SKAP2: variants seen among roughly 807,000 people sequenced by gnomAD.
The protein encoded by SKAP2 is src kinase associated phosphoprotein 2, also known as src kinase-associated phosphoprotein 2.
In SKAP2, 28 loss-of-function variants were observed where a neutral mutation model predicts 54.9. The ratio of observed to expected loss-of-function variants is 0.51; its 90% CI spans 0.38 to 0.70. The LOEUF (loss-of-function observed/expected upper bound fraction) is 0.70, where lower values mean the gene tolerates loss of function less well. SKAP2 is among the 30% of genes least tolerant of loss of function. The probability of loss-of-function intolerance (pLI) is 0.00; values close to 1 mark genes in which losing one functional copy is unlikely to be tolerated. For synonymous variants in SKAP2, 137 were observed against 134.3 expected, an observed-to-expected ratio of 1.02 and a Z score of -0.14; for missense variants, 356 against 424.1, an observed-to-expected ratio of 0.84 and a Z score of 1.41.
At chr7:26,769,398 G>T (rs1369427072) in intron 4 of SKAP2, among the ~76,000 whole-genome samples, 2 of 152,152 alleles carry the variant, frequency 1.3e-5, no homozygotes, top group African/African-American at 4.8e-5. Flanking sequence ...TTGGGTTAGA[G>T]CATGCTCCTT....
At chr7:26,730,665 T>C (rs1787805219) in intron 6 of SKAP2, among the ~76,000 whole-genome samples, 1 of 152,206 alleles carries the variant, frequency 6.6e-6, no homozygotes, top group Non-Finnish European at 1.5e-5. Context: ...ATGTAATGTC[T>C]ACAGAACTGA....
At chr7:26,852,470 T>C (rs1006328703) in intron 3 of SKAP2, among the ~76,000 whole-genome samples, 2 of 152,196 alleles carry the variant, frequency 1.3e-5, no homozygotes, top group East Asian at 3.8e-4. Context: ...GCACTCTTTG[T>C]GATTAGTTAA....
chr7:26,802,701 T>C (rs1434932535), intron 4 of SKAP2, among the ~76,000 whole-genome samples: 1 of 151,754 alleles, frequency 6.6e-6, no homozygotes, highest in East Asian at 2.0e-4. Flanking sequence ...GCCAACATGG[T>C]GAAACCCAGT....
At chr7:26,862,797 T>A (rs528902122) in intron 1 of SKAP2, among the ~76,000 whole-genome samples, 1 of 152,200 alleles carries the variant, frequency 6.6e-6, no homozygotes, top group Non-Finnish European at 1.5e-5. Context: ...GTACCAAGCT[T>A]TAAAACATGC....
At chr7:26,705,881 T>TCAAAA (rs1377058465) in intron 9 of SKAP2, among the ~76,000 whole-genome samples, 1 of 152,072 alleles carries the variant, frequency 6.6e-6, no homozygotes, top group South Asian at 2.1e-4. Context: ...AAAGTTAAAA[T>TCAAAA]CAAAACAAAA....
intron 4 of SKAP2, among the ~76,000 whole-genome samples, chr7:26,757,213 T>C (rs934862623): frequency 6.6e-6 from 1 of 152,188 alleles, no homozygotes; most frequent in African/African-American, 2.4e-5. Context: ...TTTGTTGCCA[T>C]TGCTTTTGGT....
chr7:26,840,214 T>C (rs1360236341), intron 4 of SKAP2, among the ~76,000 whole-genome samples: 2 of 152,138 alleles, frequency 1.3e-5, no homozygotes. Flanking sequence ...TTAGCCTTCC[T>C]GTATTCACAC....
intron 4 of SKAP2, among the ~76,000 whole-genome samples, chr7:26,783,569 C>T (rs1038517829): frequency 3.3e-5 from 5 of 152,132 alleles, no homozygotes; most frequent in Admixed American, 3.3e-4. Flanking sequence ...TCCAGGATGC[C>T]TCCCTCTGGA....
intron 9 of SKAP2, among the ~76,000 whole-genome samples, chr7:26,711,081 C>T (rs1787290675): frequency 6.6e-6 from 1 of 152,054 alleles, no homozygotes; most frequent in African/African-American, 2.4e-5. Flanking sequence ...TCCACCTGAG[C>T]AGGTTTAACG....
chr7:26,764,049 AT>A (rs1389076480), intron 4 of SKAP2, among the ~76,000 whole-genome samples: 1 of 152,220 alleles, frequency 6.6e-6, no homozygotes, highest in African/African-American at 2.4e-5. Context: ...TTTTAAAAAA[AT>A]AAATGAAGAT....
At chr7:26,846,582 A>C (rs951905778) in intron 3 of SKAP2, among the ~76,000 whole-genome samples, 2 of 152,218 alleles carry the variant, frequency 1.3e-5, no homozygotes, top group African/African-American at 4.8e-5. Flanking sequence ...TTTATTCTAC[A>C]CAAACTGATC....
At chr7:26,733,780 A>T (rs966669593) in intron 6 of SKAP2, among the ~76,000 whole-genome samples, 1 of 152,204 alleles carries the variant, frequency 6.6e-6, no homozygotes, top group Non-Finnish European at 1.5e-5. Context: ...TATTACAATG[A>T]AAAAATTAAA....
intron 6 of SKAP2, among the ~76,000 whole-genome samples, chr7:26,738,524 T>C (rs1782357325): frequency 6.6e-6 from 1 of 152,234 alleles, no homozygotes; most frequent in African/African-American, 2.4e-5. Flanking sequence ...GGATAATAAA[T>C]ATTCCCTAAG....
intron 1 of SKAP2, 22 bp downstream of exon 1, chr7:26,864,341 T>C: frequency 6.2e-7 from 1 of 1,613,680 alleles, no homozygotes; most frequent in Non-Finnish European, 8.5e-7. Flanking sequence ...GACAGCATTA[T>C]CGCCGCCTTC....
chr7:26,834,062 A>G (rs1453764265), intron 4 of SKAP2, among the ~76,000 whole-genome samples: 4 of 152,214 alleles, frequency 2.6e-5, no homozygotes, highest in African/African-American at 9.6e-5. Flanking sequence ...GCACAACTAC[A>G]TGGAAACTGA....
intron 4 of SKAP2, among the ~76,000 whole-genome samples, chr7:26,768,597 G>C (rs1364953119): frequency 6.6e-6 from 1 of 152,128 alleles, no homozygotes. Context: ...GGCTGGTACT[G>C]GTTTTTCCTT....
intron 4 of SKAP2, among the ~76,000 whole-genome samples, chr7:26,758,459 G>T (rs1782851605): frequency 6.6e-6 from 1 of 151,922 alleles, no homozygotes; most frequent in Admixed American, 6.6e-5. Flanking sequence ...ATATATGAAG[G>T]TACTACTTTG....
intron 12 of SKAP2, 44 bp downstream of exon 12, chr7:26,670,047 G>A (rs3735549): frequency 0.056 from 45,866 of 816,908 alleles, 2,478 homozygotes; most frequent in East Asian, 0.24. Flanking sequence ...GAGACCAAGA[G>A]AACATATGAG....
intron 4 of SKAP2, among the ~76,000 whole-genome samples, chr7:26,776,997 T>A (rs184224695): frequency 1.4e-4 from 21 of 152,262 alleles, no homozygotes; most frequent in African/African-American, 5.1e-4. Flanking sequence ...GATTCAGGTC[T>A]CCAAATGAGG....
Sources: gnomAD v4.1 joint callset for allele counts (sites outside exome capture counted in the v4.1 genomes callset) on GRCh38, gnomAD v4.1.1 for gene constraint, MANE v1.5 for transcripts, NCBI Gene and HGNC (gene_info 2026-07-23, HGNC 2026-07-21) for gene names.